The following GNAQ variants were observed in gnomAD, a reference collection of about 807,000 sequenced individuals.
GNAQ encodes G protein subunit alpha q.
Under a neutral mutation model 43.9 loss-of-function variants are expected in GNAQ, and 8 were observed. The ratio of observed to expected loss-of-function variants is 0.18; its 90% CI spans 0.11 to 0.33. The LOEUF (loss-of-function observed/expected upper bound fraction) is 0.33. Among genes scored for constraint, GNAQ ranks in the 10% least tolerant of loss-of-function variants. GNAQ has a pLI of 1.00. For missense variants in GNAQ, 158 were observed against 450.8 expected, an observed-to-expected ratio of 0.35 and a Z score of 5.88; for synonymous variants, 155 against 170.7, an observed-to-expected ratio of 0.91 and a Z score of 0.71.
At chr9:77,752,524 GATCT>G (rs1340293184) in intron 5 of GNAQ, among the ~76,000 whole-genome samples, 1 of 152,210 alleles carries the variant, frequency 6.6e-6, no homozygotes, top group Non-Finnish European at 1.5e-5. Context: ...TTTTACAGCT[GATCT>G]AACTGCAACC....
intron 3 of GNAQ, among the ~76,000 whole-genome samples, chr9:77,807,756 AAT>A (rs1435296848): frequency 8.5e-5 from 13 of 152,186 alleles, no homozygotes; most frequent in Admixed American, 6.5e-4. Flanking sequence ...ACTGTGTTTT[AAT>A]AGTTATTCTT....
chr9:77,801,557 T>C (rs1826742708), intron 3 of GNAQ, among the ~76,000 whole-genome samples: 1 of 152,192 alleles, frequency 6.6e-6, no homozygotes, highest in African/African-American at 2.4e-5. Flanking sequence ...CAGTTTTTGC[T>C]TGCCATTCTT....
chr9:77,885,184 T>C (rs558692974), intron 2 of GNAQ, among the ~76,000 whole-genome samples: 50 of 152,252 alleles, frequency 3.3e-4, no homozygotes, highest in Admixed American at 7.8e-4. Flanking sequence ...GTGCCCAAAG[T>C]TGTGGTCTTT....
At chr9:77,883,718 T>C (rs2118077752) in intron 2 of GNAQ, among the ~76,000 whole-genome samples, 1 of 152,108 alleles carries the variant, frequency 6.6e-6, no homozygotes, top group East Asian at 1.9e-4. Flanking sequence ...GCTTCTGCAC[T>C]GAGTCTGTGG....
chr9:77,809,230 T>C (rs1826876738), intron 3 of GNAQ, among the ~76,000 whole-genome samples: 1 of 152,174 alleles, frequency 6.6e-6, no homozygotes, highest in African/African-American at 2.4e-5. Flanking sequence ...TTCAAGAAGG[T>C]GTCTGATTTA....
chr9:77,818,262 T>A (rs1007768050), intron 2 of GNAQ, among the ~76,000 whole-genome samples: 2 of 152,210 alleles, frequency 1.3e-5, no homozygotes. Context: ...TTTCATTCCA[T>A]CCTTGCTGTT....
At chr9:77,968,883 T>A (rs1823202224) in intron 1 of GNAQ, among the ~76,000 whole-genome samples, 1 of 152,322 alleles carries the variant, frequency 6.6e-6, no homozygotes, top group South Asian at 2.1e-4. Flanking sequence ...TGTGGCAAGG[T>A]GATTCTGCTC....
intron 1 of GNAQ, among the ~76,000 whole-genome samples, chr9:77,956,957 G>A (rs1265534187): frequency 3.3e-5 from 5 of 152,264 alleles, no homozygotes; most frequent in Admixed American, 3.3e-4. Flanking sequence ...CAAGCAAAGG[G>A]ACCATGTAAG....
At chr9:77,954,497 A>T (rs750142866) in intron 1 of GNAQ, among the ~76,000 whole-genome samples, 1 of 152,202 alleles carries the variant, frequency 6.6e-6, no homozygotes. Context: ...GAACGATACA[A>T]AGAGTCACGC....
chr9:77,828,900 T>C (rs1173820942), intron 2 of GNAQ, among the ~76,000 whole-genome samples: 1 of 152,208 alleles, frequency 6.6e-6, no homozygotes, highest in East Asian at 1.9e-4. Flanking sequence ...GCCCTTATGA[T>C]TACACATTCA....
At chr9:77,928,837 T>C (rs908222723) in intron 1 of GNAQ, among the ~76,000 whole-genome samples, 2 of 152,072 alleles carry the variant, frequency 1.3e-5, no homozygotes, top group African/African-American at 4.8e-5. Flanking sequence ...CTGGCCAACA[T>C]GGTGAAACCC....
intron 5 of GNAQ, among the ~76,000 whole-genome samples, chr9:77,771,911 CA>C (rs551982564): frequency 6.6e-6 from 1 of 150,912 alleles, no homozygotes; most frequent in African/African-American, 2.4e-5. Flanking sequence ...TCAAAAACAA[CA>C]AAAAAAAACC....
At position 78,030,887 on chromosome 9, in the gene GNAQ, C is replaced by CTG. The variant is rs35071779; in HGVS notation, c.136+211_136+212dup. Among the ~76,000 whole-genome samples, 15,752 of 146,006 alleles carry CTG rather than the reference C, an allele frequency of 0.11. 1,099 individuals carry two copies. Among genetic ancestry groups the CTG allele is most frequent in the African/African-American group, 0.21 (8,212 of 38,802 alleles). Reference sequence around the variant, plus strand: ...ACCCCTGTGCTGCGTGTGTGTGTCGCTGTGTGTGTGTGTGTGTGTGTGTGT... The same window carrying CTG: ...ACCCCTGTGCTGCGTGTGTGTGTCGCTGTGTGTGTGTGTGTGTGTGTGTGTGT... On this transcript the variant is annotated intron_variant, in intron 1 of 6. Coordinates refer to ENST00000286548, the MANE Select transcript of GNAQ (RefSeq NM_002072.5).
chr9:77,717,272 A>G lies in GNAQ; in HGVS notation c.*4051T>C. 1 of 232,470 alleles carries G rather than the reference A, an allele frequency of 4.3e-6. No individual in the cohort carries two copies. The allele number at this position is 232,470 out of a possible 1,614,324, so 14.4% of individuals were successfully genotyped here. ...CTTATTTGTATCAATTGAGATGTTG[A>G]TTACCAATTAAGTGGTTTTAAACCC... On this transcript the variant is annotated 3_prime_UTR_variant, in exon 7 of 7. Transcript: ENST00000286548.
In GNAQ at chr9:77,735,205, C is replaced by T. The variant is rs569532994; in HGVS notation, c.736-6538G>A. Among the ~76,000 whole-genome samples, 8 of 152,330 alleles carry T rather than the reference C, an allele frequency of 5.3e-5. No homozygotes were observed. The South Asian group carries it at 1.7e-3, about 32-fold the overall frequency. On this transcript the variant is annotated intron_variant, in intron 5 of 6. Transcript: ENST00000286548. The stretch of plus-strand genomic sequence containing the variant: ...TAAGACATTCCAAACCTATACTCTT[C>T]ACTTTTAATTGCTATAACAGCTTCA...
At chr9:77,945,892 T>A (rs1822883993) in intron 1 of GNAQ, among the ~76,000 whole-genome samples, 1 of 152,180 alleles carries the variant, frequency 6.6e-6, no homozygotes, top group Non-Finnish European at 1.5e-5. Flanking sequence ...CTACTGAAGT[T>A]ATGCGAATCA....
intron 2 of GNAQ, among the ~76,000 whole-genome samples, chr9:77,879,825 C>G (rs1289239380): frequency 6.6e-6 from 1 of 152,180 alleles, no homozygotes; most frequent in Admixed American, 6.5e-5. Context: ...AAAATCTCAC[C>G]TAACCAGTTC....
intron 1 of GNAQ, among the ~76,000 whole-genome samples, chr9:77,965,599 T>G (rs746032608): frequency 5.3e-5 from 8 of 152,180 alleles, no homozygotes; most frequent in Non-Finnish European, 1.0e-4. Flanking sequence ...CATGAGAAAC[T>G]ACTCAACAAC....
intron 5 of GNAQ, among the ~76,000 whole-genome samples, chr9:77,793,994 A>G (rs1454068665): frequency 2.0e-5 from 3 of 152,168 alleles, no homozygotes; most frequent in Non-Finnish European, 4.4e-5. Context: ...TCCATGGTTC[A>G]TAATGAACTG....
Sources: allele counts gnomAD v4.1 joint callset (sites outside exome capture counted in the v4.1 genomes callset), GRCh38; gene constraint gnomAD v4.1.1; transcripts MANE v1.5; gene names NCBI Gene and HGNC (gene_info 2026-07-23, HGNC 2026-07-21).